CLVS1: variants seen among roughly 807,000 people sequenced by gnomAD.
CLVS1 encodes the protein clavesin-1.
A neutral mutation model predicts 33.1 loss-of-function variants in CLVS1; 10 were observed. The observed-to-expected ratio is 0.30, with a 90% CI of 0.19 to 0.51. The LOEUF (loss-of-function observed/expected upper bound fraction) is 0.51. CLVS1 is among the 20% of genes least tolerant of loss of function. CLVS1 has a pLI of 0.97. For missense variants in CLVS1, 343 were observed against 433.4 expected, an observed-to-expected ratio of 0.79 and a Z score of 1.85; for synonymous variants, 163 against 166.1, an observed-to-expected ratio of 0.98 and a Z score of 0.14.
the CLVS1 span, among the ~76,000 whole-genome samples, chr8:60,976,264 A>G: frequency 6.6e-6 from 1 of 152,196 alleles, no homozygotes; most frequent in African/African-American, 2.4e-5. Flanking sequence ...AAAAGTGATG[A>G]CCCACATTGA....
chr8:61,453,439 G>A (rs1212120652), intron 3 of CLVS1, among the ~76,000 whole-genome samples: 1 of 152,196 alleles, frequency 6.6e-6, no homozygotes, highest in African/African-American at 2.4e-5. Flanking sequence ...TATTATTTAC[G>A]AAATAGGTTG....
intron 2 of CLVS1, among the ~76,000 whole-genome samples, chr8:61,350,073 T>G (rs183912790): frequency 2.0e-5 from 3 of 152,244 alleles, no homozygotes; most frequent in African/African-American, 7.2e-5. Context: ...TCAAAGGATA[T>G]AGAATTTCAG....
chr8:61,191,407 C>A (rs1217693417), intron 2 of CLVS1, among the ~76,000 whole-genome samples: 2 of 152,174 alleles, frequency 1.3e-5, no homozygotes, highest in Non-Finnish European at 2.9e-5. Context: ...GACAAACCCA[C>A]AGTCAATATC....
chr8:61,126,980 G>T (rs887773636), intron 1 of CLVS1, among the ~76,000 whole-genome samples: 5 of 152,100 alleles, frequency 3.3e-5, no homozygotes, highest in African/African-American at 1.2e-4. Flanking sequence ...AATTGGCCTG[G>T]GTCTTTTACC....
chr8:61,087,629 G>A (rs772209758), intron 1 of CLVS1, among the ~76,000 whole-genome samples: 6 of 152,274 alleles, frequency 3.9e-5, no homozygotes, highest in Non-Finnish European at 7.3e-5. Flanking sequence ...GAACGTTGAA[G>A]ATGCCCTAAT....
Position 61,085,050 on chromosome 8 carries a change from A to T in CLVS1, c.-243+27820A>T, listed in dbSNP as rs78798427. 7.1e-3 allele frequency among the ~76,000 whole-genome samples: 1,075 copies of T among 152,360 alleles called. 7 individuals are homozygous for T. The highest frequency in any genetic ancestry group is 0.034 in the Middle Eastern group (10 of 294). ...AATGAAAAAATACATCAGAACTGCT[A>T]TATTAGCAAAACGTTGAAAGGGATT... On this transcript the variant is annotated intron_variant, in intron 1 of 2. Transcript: ENST00000522621.
chr8:61,126,171 CAT>C (rs1481511381), intron 1 of CLVS1, among the ~76,000 whole-genome samples: 1 of 152,174 alleles, frequency 6.6e-6, no homozygotes, highest in Non-Finnish European at 1.5e-5. Flanking sequence ...TCTTTACACA[CAT>C]ATGCACACAC....
chr8:61,140,080 C>T (rs1199167577), intron 2 of CLVS1, among the ~76,000 whole-genome samples: 1 of 152,084 alleles, frequency 6.6e-6, no homozygotes. Context: ...AGGGCGCATT[C>T]CATGGAGACC....
At chr8:61,055,117 A>T (rs892312913), upstream of CLVS1, among the ~76,000 whole-genome samples, 1 of 152,248 alleles carries the variant, frequency 6.6e-6, no homozygotes, top group African/African-American at 2.4e-5. Context: ...AAACTTCATT[A>T]AATGAAGTGC....
At chr8:61,096,986 T>C (rs1805362964) in intron 1 of CLVS1, among the ~76,000 whole-genome samples, 1 of 152,210 alleles carries the variant, frequency 6.6e-6, no homozygotes, top group Non-Finnish European at 1.5e-5. Flanking sequence ...CGCTGCGTTC[T>C]ATTATCTCCA....
At chr8:61,480,405 G>A (rs1322672173) in intron 5 of CLVS1, among the ~76,000 whole-genome samples, 1 of 152,262 alleles carries the variant, frequency 6.6e-6, no homozygotes, top group Non-Finnish European at 1.5e-5. Context: ...TAATCTCTTG[G>A]TGTGCCGTTT....
chr8:61,033,231 C>T, the CLVS1 span, among the ~76,000 whole-genome samples: 1 of 152,134 alleles, frequency 6.6e-6, no homozygotes, highest in East Asian at 1.9e-4. Context: ...ACAACAACAA[C>T]AACAAAACCC....
chr8:61,392,658 G>A (rs1002125846), intron 3 of CLVS1, among the ~76,000 whole-genome samples: 1 of 151,808 alleles, frequency 6.6e-6, no homozygotes, highest in African/African-American at 2.4e-5. Context: ...AGGAGTTCTG[G>A]ACCAGCCTTG....
At chr8:61,207,488 CTT>C (rs1807880404) in intron 2 of CLVS1, among the ~76,000 whole-genome samples, 2 of 152,200 alleles carry the variant, frequency 1.3e-5, no homozygotes, top group African/African-American at 4.8e-5. Context: ...TTTTCAGACT[CTT>C]TTTATCTTTT....
At chr8:61,379,191 G>A (rs1309385253) in intron 3 of CLVS1, among the ~76,000 whole-genome samples, 1 of 152,160 alleles carries the variant, frequency 6.6e-6, no homozygotes, top group Non-Finnish European at 1.5e-5. Flanking sequence ...TGCTCTCTCT[G>A]CCATCCCGCC....
chr8:61,259,060 C>T (rs1438872106), intron 2 of CLVS1, among the ~76,000 whole-genome samples: 1 of 152,108 alleles, frequency 6.6e-6, no homozygotes, highest in Non-Finnish European at 1.5e-5. Context: ...GTCAAACTAC[C>T]ACAGTATTGT....
chr8:61,331,823 TTCCTCCTCC>T (rs71257360), intron 2 of CLVS1, among the ~76,000 whole-genome samples: 3 of 141,986 alleles, frequency 2.1e-5, no homozygotes, highest in Non-Finnish European at 1.6e-5. Context: ...CCTCCTCCTC[TTCCTCCTCC>T]TCCTCCTCCT....
At chr8:61,474,617 G>A (rs1817846872) in intron 5 of CLVS1, among the ~76,000 whole-genome samples, 1 of 152,140 alleles carries the variant, frequency 6.6e-6, no homozygotes, top group Admixed American at 6.5e-5. Flanking sequence ...TGTAGGAGAG[G>A]GAACAATTGA....
chr8:61,490,656 C>CA (rs11455386), intron 5 of CLVS1, among the ~76,000 whole-genome samples: 69,489 of 112,886 alleles, frequency 0.62, 21,717 homozygotes, highest in Non-Finnish European at 0.72. Context: ...AGATCCGTCT[C>CA]AAAAAAAAAA....
Sources: gnomAD v4.1 joint callset for allele counts (sites outside exome capture counted in the v4.1 genomes callset) on GRCh38, gnomAD v4.1.1 for gene constraint, MANE v1.5 for transcripts, NCBI Gene and HGNC (gene_info 2026-07-23, HGNC 2026-07-21) for gene names.